ZBTB16: variants seen among roughly 807,000 people sequenced by gnomAD.
ZBTB16 encodes the protein zinc finger and BTB domain containing 16.
In ZBTB16, 8 loss-of-function variants were observed where a neutral mutation model predicts 56.8. That is an observed-to-expected ratio of 0.14 (90% CI 0.08 to 0.25). ZBTB16 has a LOEUF of 0.25. Among genes scored for constraint, ZBTB16 ranks in the 10% least tolerant of loss-of-function variants. ZBTB16 has a pLI of 1.00. For missense variants in ZBTB16, 625 were observed against 903.0 expected, an observed-to-expected ratio of 0.69 and a Z score of 3.95; for synonymous variants, 363 against 368.5, an observed-to-expected ratio of 0.98 and a Z score of 0.17.
rs552220138 is a variant in ZBTB16, at chr11:114,063,127, T to C, written c.-90-84T>C. On this transcript the variant is annotated intron_variant, in intron 1 of 6. Transcript: ENST00000335953. The surrounding 1 kb of genome is among the most constrained non-coding windows in gnomAD (Gnocchi z 6.5). ...GGGAGGAGGGGGCATGTTGTAGTGG[T>C]TGAATTCTTACTTTTAGGGACACTG... 2.4e-5 allele frequency: 17 copies of C among 712,374 alleles called. No individual in the cohort carries two copies. The highest frequency in any genetic ancestry group is 2.1e-4 in the African/African-American group (12 of 56,706). The allele number at this position is 712,374 out of a possible 1,614,324, so 44.1% of individuals were successfully genotyped here. A position where few individuals can be genotyped will look rare whatever the true frequency, so the allele number is the denominator to read the frequency against.
chr11:114,094,860 A>G (rs1010519825), intron 2 of ZBTB16, among the ~76,000 whole-genome samples: 2 of 152,198 alleles, frequency 1.3e-5, no homozygotes, highest in Non-Finnish European at 2.9e-5. Flanking sequence ...ATCAGTTCCA[A>G]GTTTCCAAAG....
At chr11:114,192,380 C>G (rs982183340) in intron 4 of ZBTB16, among the ~76,000 whole-genome samples, 1 of 152,126 alleles carries the variant, frequency 6.6e-6, no homozygotes, top group Non-Finnish European at 1.5e-5. Flanking sequence ...GCTGGACTCT[C>G]CTTCTCAGTA....
intron 3 of ZBTB16, among the ~76,000 whole-genome samples, chr11:114,158,802 C>T (rs1162929349): frequency 1.3e-5 from 2 of 152,190 alleles, no homozygotes; most frequent in Non-Finnish European, 1.5e-5. Flanking sequence ...ATCCTGTCCA[C>T]GTTATGTCCA....
At chr11:114,164,719 T>C (rs1030854278) in intron 3 of ZBTB16, among the ~76,000 whole-genome samples, 4 of 152,206 alleles carry the variant, frequency 2.6e-5, no homozygotes, top group African/African-American at 9.6e-5. Context: ...CTAACCAGGC[T>C]GGGCCTGGGT....
Position 114,252,949 on chromosome 11 carries a change from C to T in ZBTB16, c.*2394C>T, listed in dbSNP as rs879271628. Among the ~76,000 whole-genome samples the T allele has an allele frequency of 6.6e-6, 1 of 152,074 alleles. No individual in the cohort carries two copies. Among genetic ancestry groups the T allele is most frequent in the Non-Finnish European group, 1.5e-5 (1 of 68,016 alleles). On this transcript the variant is annotated 3_prime_UTR_variant, in exon 7 of 7. Coordinates refer to ENST00000335953, the MANE Select transcript of ZBTB16 (RefSeq NM_006006.6). ...GGATGCTATTTTGCAACTATAGTAA[C>T]GACTTAGTGTTTTGGAAAGGAAAAG...
chr11:114,199,956 G>A (rs1381870143), intron 4 of ZBTB16, among the ~76,000 whole-genome samples: 1 of 151,946 alleles, frequency 6.6e-6, no homozygotes, highest in Non-Finnish European at 1.5e-5. Flanking sequence ...GTGAAACCCT[G>A]TCTCTACTAA....
chr11:114,204,141 T>G (rs1362511328), intron 4 of ZBTB16, among the ~76,000 whole-genome samples: 1 of 151,814 alleles, frequency 6.6e-6, no homozygotes. Flanking sequence ...ATATGTTCTC[T>G]GTGTCCCACT....
chr11:114,231,739 CTT>C (rs1029689969), intron 4 of ZBTB16, among the ~76,000 whole-genome samples: 9 of 152,254 alleles, frequency 5.9e-5, no homozygotes, highest in Middle Eastern at 3.4e-3. Context: ...AAGAGATTCT[CTT>C]TAGCTAAAAG....
At chr11:114,179,114 C>T (rs1943186359) in intron 3 of ZBTB16, among the ~76,000 whole-genome samples, 2 of 152,234 alleles carry the variant, frequency 1.3e-5, no homozygotes, top group Admixed American at 6.5e-5. Context: ...TACCCTTGAA[C>T]CATATCCTGG....
chr11:114,151,317 A>G (rs1942273411), intron 2 of ZBTB16, among the ~76,000 whole-genome samples: 1 of 152,216 alleles, frequency 6.6e-6, no homozygotes, highest in African/African-American at 2.4e-5. Flanking sequence ...TATGTACTGC[A>G]TTGATGTGGT....
chr11:114,174,541 C>T (rs867759655), intron 3 of ZBTB16, among the ~76,000 whole-genome samples: 13 of 152,068 alleles, frequency 8.5e-5, no homozygotes, highest in Admixed American at 8.5e-4. Flanking sequence ...ATTAGCCGGG[C>T]GTGGTGGCAT....
chr11:114,059,777 C>A lies in ZBTB16; in HGVS notation c.-196C>A, dbSNP rs1267766596. 1 of 398,338 alleles carries A rather than the reference C, an allele frequency of 2.5e-6. No homozygotes were observed. Among genetic ancestry groups the A allele is most frequent in the African/African-American group, 2.1e-5 (1 of 48,618 alleles). The allele number at this position is 398,338 out of a possible 1,614,324, so 24.7% of individuals were successfully genotyped here. On this transcript the variant is annotated 5_prime_UTR_variant, in exon 1 of 7. Transcript: ENST00000335953. This position sits in a 1 kb window ranked among gnomAD's most constrained non-coding sequence, Gnocchi z 5.3. ...CTGCCGGGCGATGCTGTCGCTGCCG[C>A]CGTGATACGGAGAGCAACAGTTCCC...
chr11:114,074,885 A>G (rs969033606), intron 2 of ZBTB16, among the ~76,000 whole-genome samples: 55 of 152,158 alleles, frequency 3.6e-4, no homozygotes, highest in Non-Finnish European at 7.1e-4. Context: ...GTCATATGTA[A>G]AGAGGGAATC....
At position 114,077,361 on chromosome 11, in the gene ZBTB16, C is replaced by T. The variant is rs564374392; in HGVS notation, c.1268+12793C>T. On this transcript the variant is annotated intron_variant, in intron 2 of 6. Coordinates refer to ENST00000335953, the MANE Select transcript of ZBTB16 (RefSeq NM_006006.6). The stretch of plus-strand genomic sequence containing the variant: ...ATGAGAAGGGTTTGAAAAGATGCCA[C>T]CTGGACCCCAGGCCACCTCCCGCCT... Among the ~76,000 whole-genome samples, 4 of 152,298 alleles carry T rather than the reference C, an allele frequency of 2.6e-5. No homozygotes were observed. The South Asian group carries it at 8.3e-4, about 32-fold the overall frequency.
chr11:114,095,264 T>TC, intron 2 of ZBTB16, among the ~76,000 whole-genome samples: 1 of 133,466 alleles, frequency 7.5e-6, no homozygotes, highest in Non-Finnish European at 1.6e-5. Context: ...TTTTTTTTTT[T>TC]TTTTTTTGTG....
intron 2 of ZBTB16, among the ~76,000 whole-genome samples, chr11:114,139,626 C>T (rs900484721): frequency 3.6e-5 from 5 of 138,640 alleles, no homozygotes; most frequent in Admixed American, 7.1e-5. Context: ...CCGCGGTCCA[C>T]GTGTGTGTGT....
At chr11:114,174,312 G>GTTTTTTTT (rs11417322) in intron 3 of ZBTB16, among the ~76,000 whole-genome samples, 1 of 145,880 alleles carries the variant, frequency 6.9e-6, no homozygotes. Flanking sequence ...TCTGACTGAG[G>GTTTTTTTT]TTTTTTTTTT....
intron 2 of ZBTB16, among the ~76,000 whole-genome samples, chr11:114,148,906 G>A (rs955619127): frequency 6.8e-6 from 1 of 147,358 alleles, no homozygotes; most frequent in African/African-American, 2.5e-5. Context: ...GTGTGTATCC[G>A]CATGTGTGTG....
chr11:114,245,023 G>A (rs1944786631), intron 5 of ZBTB16, among the ~76,000 whole-genome samples: 5 of 152,226 alleles, frequency 3.3e-5, no homozygotes, highest in African/African-American at 9.6e-5. Context: ...AGTAAGGAGG[G>A]GGAGTTGGAT....
Sources: gnomAD v4.1 joint callset for allele counts (sites outside exome capture counted in the v4.1 genomes callset) on GRCh38, gnomAD v4.1.1 for gene constraint, Gnocchi (gnomAD v3.1) non-coding constraint, MANE v1.5 for transcripts, NCBI Gene and HGNC (gene_info 2026-07-23, HGNC 2026-07-21) for gene names.